Variants in CUL3 observed in about 807,000 individuals in gnomAD.
CUL3 encodes cullin 3.
CUL3 carries 19 observed loss-of-function variants against 89.1 expected under a neutral mutation model. The ratio of observed to expected loss-of-function variants is 0.21; its 90% CI spans 0.15 to 0.31. The LOEUF (loss-of-function observed/expected upper bound fraction) is 0.31. CUL3 is among the 10% of genes least tolerant of loss of function. CUL3 has a pLI of 1.00. For synonymous variants in CUL3, 351 were observed against 308.4 expected, an observed-to-expected ratio of 1.14 and a Z score of -1.45; for missense variants, 469 against 942.3, an observed-to-expected ratio of 0.50 and a Z score of 6.58.
At chr2:224,569,828 G>GA in intron 1 of CUL3, 1 of 1,027,526 alleles carries the variant, frequency 9.7e-7, no homozygotes, top group Non-Finnish European at 1.2e-6. Flanking sequence ...TTTTCTACAA[G>GA]AAAAAATTTA....
At chr2:224,570,738 G>C (rs1010572349) in intron 1 of CUL3, among the ~76,000 whole-genome samples, 1 of 152,130 alleles carries the variant, frequency 6.6e-6, no homozygotes, top group Admixed American at 6.6e-5. Flanking sequence ...TTGGGCTCTA[G>C]TATCATTACA....
intron 2 of CUL3, among the ~76,000 whole-genome samples, chr2:224,538,428 A>G (rs1693971783): frequency 6.6e-6 from 1 of 152,232 alleles, no homozygotes; most frequent in East Asian, 1.9e-4. Flanking sequence ...TCTTTATTTT[A>G]CAAATTATTA....
At chr2:224,504,815 G>C (rs62186981) in intron 8 of CUL3, among the ~76,000 whole-genome samples, 7,360 of 152,208 alleles carry the variant, frequency 0.048, 232 homozygotes, top group African/African-American at 0.075. Context: ...CCAAAATGAA[G>C]TCAAAAGAGA....
intron 9 of CUL3, 90 bp from the exon 10 acceptor site, chr2:224,503,162 C>T (rs1487694053): frequency 5.9e-6 from 5 of 854,082 alleles, no homozygotes; most frequent in Non-Finnish European, 9.7e-6. Context: ...CATGTTATTG[C>T]TATCCCTGAT....
intron 1 of CUL3, among the ~76,000 whole-genome samples, chr2:224,567,243 G>A (rs1695063813): frequency 1.3e-5 from 2 of 152,086 alleles, no homozygotes; most frequent in Admixed American, 1.3e-4. Flanking sequence ...TTTTAGACAG[G>A]GTCTTCTTCT....
chr2:224,530,774 G>A (rs528695092), intron 3 of CUL3, among the ~76,000 whole-genome samples: 5 of 152,090 alleles, frequency 3.3e-5, no homozygotes, highest in Non-Finnish European at 7.4e-5. Flanking sequence ...AGGTGTGGTG[G>A]CATGCACCTG....
chr2:224,580,928 G>A (rs1291880598), intron 1 of CUL3, among the ~76,000 whole-genome samples: 2 of 151,732 alleles, frequency 1.3e-5, no homozygotes, highest in African/African-American at 4.8e-5. Flanking sequence ...GGCCTAGGCT[G>A]GGGAATGAAA....
intron 1 of CUL3, among the ~76,000 whole-genome samples, chr2:224,570,032 A>T (rs1037930282): frequency 6.6e-6 from 1 of 151,826 alleles, no homozygotes; most frequent in Non-Finnish European, 1.5e-5. Flanking sequence ...TGATACAACT[A>T]AACTATTAAT....
At chr2:224,546,972 G>A (rs1424792312) in intron 2 of CUL3, among the ~76,000 whole-genome samples, 1 of 152,026 alleles carries the variant, frequency 6.6e-6, no homozygotes, top group African/African-American at 2.4e-5. Flanking sequence ...CCCATTAACA[G>A]TTTTCACACC....
chr2:224,552,741 A>C (rs1165563319), intron 2 of CUL3, among the ~76,000 whole-genome samples: 2 of 152,228 alleles, frequency 1.3e-5, no homozygotes, highest in African/African-American at 4.8e-5. Context: ...GGTCTTGGCT[A>C]TGTATACCAT....
At chr2:224,568,230 T>A (rs1040432456) in intron 1 of CUL3, among the ~76,000 whole-genome samples, 1 of 152,248 alleles carries the variant, frequency 6.6e-6, no homozygotes, top group Non-Finnish European at 1.5e-5. Context: ...TAAACTGTAT[T>A]TACTTAACTA....
chr2:224,579,239 A>AAT (rs1249606484), intron 1 of CUL3, among the ~76,000 whole-genome samples: 1 of 152,196 alleles, frequency 6.6e-6, no homozygotes, highest in African/African-American at 2.4e-5. Flanking sequence ...AAACAGTATT[A>AAT]GTTTAAGTAT....
At chr2:224,538,493 G>C (rs1463160025) in intron 2 of CUL3, among the ~76,000 whole-genome samples, 1 of 152,108 alleles carries the variant, frequency 6.6e-6, no homozygotes, top group Admixed American at 6.5e-5. Flanking sequence ...TGGTGGGAGG[G>C]ATAACATTGT....
chr2:224,534,514 G>C (rs1273131559), intron 3 of CUL3, among the ~76,000 whole-genome samples: 1 of 152,158 alleles, frequency 6.6e-6, no homozygotes, highest in Non-Finnish European at 1.5e-5. Context: ...AAACTTGTAA[G>C]AGAATATTCA....
chr2:224,514,766 C>A lies in CUL3; in HGVS notation c.385G>T (p.Val129Leu). 6.2e-7 allele frequency: 1 copy of A among 1,608,222 alleles called. No individual in the cohort carries two copies. Among genetic ancestry groups the A allele is most frequent in the Non-Finnish European group, 8.5e-7 (1 of 1,175,000 alleles). The change falls in exon 4 of 16, where the codon GTG (valine) becomes TTG (leucine). Residue 129 changes from valine (V) to leucine (L), a missense_variant. Around this residue, in one of 4 missense-constraint regions of CUL3, gnomAD observed 370 missense variants for 733.2 expected, o/e 0.50. Transcript: ENST00000264414. ...IRDILMYMDR[V>L]YVQQNNVENV... ...TCCACATTATTTTGTTGTACATACACACGGTCCTACAGTTAAAGTCATATA... is the reference window on the plus strand; with the variant it reads ...TCCACATTATTTTGTTGTACATACAAACGGTCCTACAGTTAAAGTCATATA...
intron 10 of CUL3, among the ~76,000 whole-genome samples, chr2:224,502,175 A>G (rs952111379): frequency 1.1e-4 from 16 of 152,204 alleles, no homozygotes; most frequent in African/African-American, 1.7e-4. Flanking sequence ...TTGCGAGACT[A>G]TAAGGCCAGT....
chr2:224,576,611 T>C (rs1269802603), intron 1 of CUL3, among the ~76,000 whole-genome samples: 1 of 140,274 alleles, frequency 7.1e-6, no homozygotes, highest in Non-Finnish European at 1.5e-5. Flanking sequence ...TGCTAAATGC[T>C]GCATGGTTCA....
intron 1 of CUL3, among the ~76,000 whole-genome samples, chr2:224,568,254 CTGTAG>C (rs1024925942): frequency 1.3e-5 from 2 of 152,192 alleles, no homozygotes; most frequent in Non-Finnish European, 2.9e-5. Context: ...ACTAAATAAA[CTGTAG>C]TGTATTTTCG....
At chr2:224,583,144 C>T (rs1279155908) in intron 1 of CUL3, among the ~76,000 whole-genome samples, 7 of 152,184 alleles carry the variant, frequency 4.6e-5, no homozygotes, top group African/African-American at 1.7e-4. Context: ...TTTGGGAGGC[C>T]GAGGTCGGTG....
Sources: gnomAD v4.1 joint callset for allele counts (sites outside exome capture counted in the v4.1 genomes callset) on GRCh38, gnomAD v4.1.1 for gene constraint, gnomAD v4.1.1 regional missense constraint, MANE v1.5 for transcripts, NCBI Gene and HGNC (gene_info 2026-07-23, HGNC 2026-07-21) for gene names.